Variants in PPIL2 observed in about 807,000 individuals in gnomAD.
PPIL2 encodes the protein peptidylprolyl isomerase like 2, also known as RING-type E3 ubiquitin-protein ligase PPIL2.
In PPIL2, 50 loss-of-function variants were observed where a neutral mutation model predicts 75.2. That is an observed-to-expected ratio of 0.66 (90% CI 0.53 to 0.84). PPIL2 has a LOEUF of 0.84. Ranked by LOEUF, PPIL2 falls within the 40% of genes least tolerant of loss-of-function variation. PPIL2 has a pLI of 0.00. For synonymous variants in PPIL2, 245 were observed against 258.8 expected, an observed-to-expected ratio of 0.95 and a Z score of 0.51; for missense variants, 590 against 685.0, an observed-to-expected ratio of 0.86 and a Z score of 1.55.
At chr22:21,666,322 C>A (rs538410516) in intron 1 of PPIL2, among the ~76,000 whole-genome samples, 191 bp downstream of exon 1, 1 of 152,260 alleles carries the variant, frequency 6.6e-6, no homozygotes, top group South Asian at 2.1e-4. Flanking sequence ...CTCCCGGGGC[C>A]GCGGCTCCGA....
chr22:21,694,623 C>G lies in PPIL2; in HGVS notation c.1227C>G (p.Ala409=), dbSNP rs2067834869. ...TTGGGGGCTTTGACGTACTGACAGC[C>G]ATGGAGAATGTGGAGAGTGACCCCA... ...RVVGGFDVLT[A]MENVESDPKT... Residue 409 remains alanine, a synonymous_variant, in exon 17 of 20, where the codon GCC becomes GCG. Coordinates refer to ENST00000398831, the MANE Select transcript of PPIL2 (RefSeq NM_014337.4). 1 of 1,614,020 alleles carries G rather than the reference C, an allele frequency of 6.2e-7. No individual in the cohort carries two copies. The highest frequency in any genetic ancestry group is 1.1e-5 in the South Asian group (1 of 91,086).
At chr22:21,686,642 T>C in intron 11 of PPIL2, 84 bp downstream of exon 11, 6 of 1,404,472 alleles carry the variant, frequency 4.3e-6, no homozygotes, top group Non-Finnish European at 6.0e-6. Context: ...CCCACTTTAT[T>C]GGTCTGTCAG....
At chr22:21,693,975 T>G in intron 16 of PPIL2, 103 bp downstream of exon 16, 2 of 1,253,080 alleles carry the variant, frequency 1.6e-6, no homozygotes, top group Non-Finnish European at 1.2e-6. Flanking sequence ...CTGAGTCATG[T>G]GCCATGCTGG....
At chr22:21,680,852 A>G (rs1288994187) in intron 6 of PPIL2, among the ~76,000 whole-genome samples, 1 of 146,354 alleles carries the variant, frequency 6.8e-6, no homozygotes, top group South Asian at 2.1e-4. Flanking sequence ...AAAAAAAAAA[A>G]ACAGAGCAAA....
chr22:21,694,874 C>T, intron 18 of PPIL2, 57 bp downstream of exon 18: 1 of 1,592,404 alleles, frequency 6.3e-7, no homozygotes, highest in Non-Finnish European at 8.6e-7. Flanking sequence ...CTTTTCCACC[C>T]CAAGCCTAGC....
Position 21,684,778 on chromosome 22 carries a change from G to T in PPIL2, c.579G>T (p.Pro193=). 1 of 1,614,108 alleles carries T rather than the reference G, an allele frequency of 6.2e-7. No homozygotes were observed. The highest frequency in any genetic ancestry group is 1.1e-5 in the South Asian group (1 of 91,080). Residue 193 remains proline (P), a synonymous_variant, in exon 10 of 20, where the codon CCG becomes CCT. Transcript: ENST00000398831. ...DPDEEKAKQD[P]SYYLKNTNAE... ...ATGAAGAGAAGGCCAAACAGGACCC[G>T]TCTTATTATCTGAAAAATACAAATG...
chr22:21,673,056 C>T (rs746313879), intron 5 of PPIL2, among the ~76,000 whole-genome samples: 9 of 152,224 alleles, frequency 5.9e-5, no homozygotes, highest in Non-Finnish European at 8.8e-5. Context: ...CTTCCCTGCT[C>T]TCCAGTACAA....
chr22:21,675,447 A>T (rs984802366), intron 6 of PPIL2, among the ~76,000 whole-genome samples: 2 of 152,108 alleles, frequency 1.3e-5, no homozygotes, highest in African/African-American at 4.8e-5. Flanking sequence ...GAGGCAGGAG[A>T]ATCACTTGAA....
In PPIL2 at chr22:21,694,736, G is replaced by A. The variant is rs551744164; in HGVS notation, c.1270-19G>A. On this transcript the variant is annotated intron_variant, in intron 17 of 19. Coordinates refer to ENST00000398831, the MANE Select transcript of PPIL2 (RefSeq NM_014337.4). ...GCAGGGGGAGGACCTGCCGTGCACT[G>A]AGCCCCCTTTGCTGCTAGGAGGAGA... 58 of 1,611,150 alleles carry A rather than the reference G, an allele frequency of 3.6e-5. 1 individual carries two copies. In the South Asian group the frequency reaches 6.2e-4, roughly 17 times the overall value.
At chr22:21,670,323 T>C (rs527821877) in intron 2 of PPIL2, 1,122 of 1,504,338 alleles carry the variant, frequency 7.5e-4, no homozygotes, top group Non-Finnish European at 9.3e-4. Context: ...AAGACTACAA[T>C]AACAAGAGCA....
At chr22:21,689,460 G>A (rs906855125) in intron 15 of PPIL2, among the ~76,000 whole-genome samples, 2 of 152,088 alleles carry the variant, frequency 1.3e-5, no homozygotes, top group Non-Finnish European at 2.9e-5. Flanking sequence ...ATTTTTTATA[G>A]TTTATGATAC....
intron 19 of PPIL2, 100 bp downstream of exon 19, chr22:21,695,170 C>T (rs1430915740): frequency 6.9e-7 from 1 of 1,444,052 alleles, no homozygotes; most frequent in Non-Finnish European, 9.1e-7. Flanking sequence ...GCTATGGGCA[C>T]TGGTCCCGGC....
chr22:21,683,124 G>A, intron 8 of PPIL2, 58 bp from the exon 9 acceptor site: 3 of 1,429,296 alleles, frequency 2.1e-6, no homozygotes, highest in Non-Finnish European at 3.0e-6. Context: ...TGCTGCATGT[G>A]GCTGCCATTT....
intron 4 of PPIL2, among the ~76,000 whole-genome samples, chr22:21,671,319 A>C (rs2066625054): frequency 6.6e-6 from 1 of 152,230 alleles, no homozygotes; most frequent in African/African-American, 2.4e-5. Context: ...TGGCCTGAAA[A>C]TGAATTTTTA....
intron 14 of PPIL2, 22 bp downstream of exon 14, chr22:21,688,128 C>T (rs1290188849): frequency 6.2e-7 from 1 of 1,614,104 alleles, no homozygotes; most frequent in Non-Finnish European, 8.5e-7. Flanking sequence ...TGCTGGGCCC[C>T]TCTCTGGGCA....
At chr22:21,669,001 G>A (rs1239349076) in intron 1 of PPIL2, among the ~76,000 whole-genome samples, 2 of 132,728 alleles carry the variant, frequency 1.5e-5, no homozygotes, top group Non-Finnish European at 1.6e-5. Context: ...GTGAGCCACC[G>A]TGCCTGGCCC....
chr22:21,675,138 A>G, intron 6 of PPIL2, 23 bp downstream of exon 6: 1 of 1,606,420 alleles, frequency 6.2e-7, no homozygotes, highest in Non-Finnish European at 8.5e-7. Flanking sequence ...ATCACAGCCA[A>G]TTCTGGGCTT....
chr22:21,684,182 G>C (rs1281342217), intron 9 of PPIL2, among the ~76,000 whole-genome samples: 2 of 150,696 alleles, frequency 1.3e-5, no homozygotes, highest in Admixed American at 6.6e-5. Flanking sequence ...TTTCTAGCTG[G>C]GGCGACAGAG....
At chr22:21,672,833 G>T (rs2066686514) in intron 5 of PPIL2, among the ~76,000 whole-genome samples, 1 of 152,198 alleles carries the variant, frequency 6.6e-6, no homozygotes, top group Non-Finnish European at 1.5e-5. Context: ...TGGGGCAAGA[G>T]CTCAAACTGT....
Sources: gnomAD v4.1 joint callset for allele counts (sites outside exome capture counted in the v4.1 genomes callset) on GRCh38, gnomAD v4.1.1 for gene constraint, MANE v1.5 for transcripts, NCBI Gene and HGNC (gene_info 2026-07-23, HGNC 2026-07-21) for gene names.